Variants in PLCB1 observed in about 807,000 individuals in gnomAD.
PLCB1 encodes 1-phosphatidylinositol 4,5-bisphosphate phosphodiesterase beta-1.
PLCB1 carries 46 observed loss-of-function variants against 161.8 expected under a neutral mutation model. That is an observed-to-expected ratio of 0.28 (90% CI 0.22 to 0.36). The LOEUF is 0.36. PLCB1 is among the 10% of genes least tolerant of loss of function. PLCB1 has a pLI of 1.00. For synonymous variants in PLCB1, 517 were observed against 503.7 expected (o/e 1.03, Z -0.35); for missense variants, 1,016 against 1,472.5 (o/e 0.69, Z 5.07).
intron 3 of PLCB1, among the ~76,000 whole-genome samples, chr20:8,443,086 T>A (rs559422113): frequency 6.6e-6 from 1 of 152,118 alleles, no homozygotes. Flanking sequence ...TTCAAGCGAT[T>A]CTCCTGCCTC....
chr20:8,766,369 T>C (rs1982315313), intron 26 of PLCB1, among the ~76,000 whole-genome samples: 1 of 152,050 alleles, frequency 6.6e-6, no homozygotes, highest in African/African-American at 2.4e-5. Context: ...TGCAATAAGG[T>C]GGCACAGAAA....
intron 23 of PLCB1, among the ~76,000 whole-genome samples, chr20:8,743,127 G>A (rs1385140958): frequency 6.6e-6 from 1 of 152,180 alleles, no homozygotes; most frequent in Non-Finnish European, 1.5e-5. Flanking sequence ...TCTTATTCCA[G>A]ATCTCAGAGG....
intron 3 of PLCB1, among the ~76,000 whole-genome samples, chr20:8,520,484 G>A (rs904112837): frequency 6.6e-6 from 1 of 151,966 alleles, no homozygotes; most frequent in African/African-American, 2.4e-5. Flanking sequence ...TAAGATTCAA[G>A]TAACAACCTA....
At chr20:8,464,541 A>G (rs142886658) in intron 3 of PLCB1, among the ~76,000 whole-genome samples, 54 of 152,304 alleles carry the variant, frequency 3.5e-4, no homozygotes, top group Middle Eastern at 6.8e-3. Flanking sequence ...CTGCTGATAA[A>G]ACATCTGTAA....
chr20:8,372,722 A>AT (rs1986943610), intron 3 of PLCB1, among the ~76,000 whole-genome samples: 1 of 152,126 alleles, frequency 6.6e-6, no homozygotes, highest in Non-Finnish European at 1.5e-5. Context: ...AGGAAAGAAT[A>AT]TTTTTTCTTC....
chr20:8,289,782 A>T (rs1038045842), intron 2 of PLCB1, among the ~76,000 whole-genome samples: 2 of 152,154 alleles, frequency 1.3e-5, no homozygotes, highest in African/African-American at 4.8e-5. Context: ...ACTCAATGGG[A>T]GACTGTTCCA....
At chr20:8,257,760 T>G (rs1214126928) in intron 2 of PLCB1, among the ~76,000 whole-genome samples, 2 of 152,172 alleles carry the variant, frequency 1.3e-5, no homozygotes, top group African/African-American at 4.8e-5. Context: ...GAATTTTCAC[T>G]GATTTTTTTC....
In PLCB1 at chr20:8,859,444, A is replaced by C. The variant is rs967462551; in HGVS notation, c.3424-22178A>C. Among the ~76,000 whole-genome samples the C allele has an allele frequency of 4.6e-5, 7 of 152,196 alleles. No individual in the cohort carries two copies. In the East Asian group the frequency reaches 9.6e-4, roughly 21 times the overall value. On this transcript the variant is annotated intron_variant, in intron 31 of 31. Coordinates refer to ENST00000338037, the MANE Select transcript of PLCB1 (RefSeq NM_015192.4). ...TTCAGTAGATCTGGAGTGGGCCTGAAGTGATACTACTGGTCCTAGGACCAC... is the reference window on the plus strand; with the variant it reads ...TTCAGTAGATCTGGAGTGGGCCTGACGTGATACTACTGGTCCTAGGACCAC...
intron 3 of PLCB1, among the ~76,000 whole-genome samples, chr20:8,570,096 G>A (rs1021186387): frequency 5.3e-5 from 8 of 152,110 alleles, no homozygotes; most frequent in Admixed American, 3.9e-4. Flanking sequence ...TCATTTTGAT[G>A]CCAACAGAAA....
At chr20:8,869,921 T>G (rs1248020378) in intron 31 of PLCB1, among the ~76,000 whole-genome samples, 1 of 152,188 alleles carries the variant, frequency 6.6e-6, no homozygotes, top group Non-Finnish European at 1.5e-5. Flanking sequence ...TTCCTTGTGT[T>G]AAATCTTCTA....
At chr20:8,390,691 A>G (rs1987561127) in intron 3 of PLCB1, among the ~76,000 whole-genome samples, 1 of 152,174 alleles carries the variant, frequency 6.6e-6, no homozygotes, top group Non-Finnish European at 1.5e-5. Flanking sequence ...TGGCTTTAGT[A>G]CAGAATATGT....
intron 3 of PLCB1, among the ~76,000 whole-genome samples, chr20:8,565,160 A>G (rs1986285947): frequency 6.6e-6 from 1 of 152,192 alleles, no homozygotes; most frequent in Non-Finnish European, 1.5e-5. Flanking sequence ...TGCAGCCATA[A>G]AAAAGGATGA....
intron 3 of PLCB1, among the ~76,000 whole-genome samples, chr20:8,413,138 G>T (rs1979116647): frequency 6.6e-6 from 1 of 152,046 alleles, no homozygotes. Context: ...GAATTTTCTA[G>T]AAAATGTTTT....
intron 3 of PLCB1, among the ~76,000 whole-genome samples, chr20:8,540,739 G>A (rs573424675): frequency 6.6e-6 from 1 of 152,216 alleles, no homozygotes; most frequent in East Asian, 1.9e-4. Context: ...GATGATTAGA[G>A]TTATTTCCAC....
rs1203580158 is a variant in PLCB1, at chr20:8,681,084, GTGTATATATATATATATA to G, written c.863-3846_863-3829del. Among the ~76,000 whole-genome samples the G allele has an allele frequency of 1.8e-4, 7 of 39,792 alleles. 1 individual carries two copies. Among genetic ancestry groups the G allele is most frequent in the African/African-American group, 8.5e-4 (7 of 8,206 alleles). The allele number at this position is 39,792 out of a possible 152,430, so 26.1% of individuals were successfully genotyped here. A position where few individuals can be genotyped will look rare whatever the true frequency, so the allele number is the denominator to read the frequency against. ...TGTATATATGTGTGTATATGTGTGT[GTGTATATATATATATATA>G]TATATATATATATATATAATATATA... is the stretch of plus-strand genomic sequence containing the variant. On this transcript the variant is annotated intron_variant, in intron 9 of 31. Coordinates refer to ENST00000338037, the MANE Select transcript of PLCB1 (RefSeq NM_015192.4).
chr20:8,813,257 G>T (rs917167723), intron 31 of PLCB1, among the ~76,000 whole-genome samples: 1 of 152,124 alleles, frequency 6.6e-6, no homozygotes, highest in Non-Finnish European at 1.5e-5. Context: ...CTACTCACTC[G>T]CGGAAAGCTT....
At chr20:8,501,162 C>T (rs557758682) in intron 3 of PLCB1, among the ~76,000 whole-genome samples, 1 of 152,218 alleles carries the variant, frequency 6.6e-6, no homozygotes, top group Non-Finnish European at 1.5e-5. Flanking sequence ...ATGTTCCATT[C>T]AAGACCTGGA....
chr20:8,450,109 T>G (rs1177023426), intron 3 of PLCB1, among the ~76,000 whole-genome samples: 2 of 152,208 alleles, frequency 1.3e-5, no homozygotes, highest in Non-Finnish European at 2.9e-5. Context: ...GAAAGCCTAA[T>G]GATTTAGCAT....
chr20:8,605,365 T>C (rs767020718), intron 3 of PLCB1, among the ~76,000 whole-genome samples: 2 of 152,138 alleles, frequency 1.3e-5, no homozygotes, highest in Non-Finnish European at 2.9e-5. Context: ...TTTCCACTTA[T>C]AGACGTAGTT....
Sources: gnomAD v4.1 joint callset for allele counts (sites outside exome capture counted in the v4.1 genomes callset) on GRCh38, gnomAD v4.1.1 for gene constraint, MANE v1.5 for transcripts, NCBI Gene and HGNC (gene_info 2026-07-23, HGNC 2026-07-21) for gene names.